AKAP6: variants seen among roughly 807,000 people sequenced by gnomAD.
AKAP6 encodes A-kinase anchor protein 6.
AKAP6 carries 58 observed loss-of-function variants against 188.5 expected under a neutral mutation model. The observed-to-expected ratio is 0.31, with a 90% CI of 0.25 to 0.38. The LOEUF is 0.38. AKAP6 is among the 10% of genes least tolerant of loss of function. AKAP6 has a pLI of 1.00. For synonymous variants in AKAP6, 989 were observed against 998.6 expected (o/e 0.99, Z 0.18); for missense variants, 2,710 against 2,740.0 (o/e 0.99, Z 0.24).
intron 3 of AKAP6, among the ~76,000 whole-genome samples, chr14:32,536,162 G>C (rs1490716982): frequency 6.6e-6 from 1 of 152,210 alleles, no homozygotes; most frequent in African/African-American, 2.4e-5. Flanking sequence ...TCTTCAAGTA[G>C]CTTTGAGTCT....
chr14:32,464,197 C>T (rs1878253962), intron 2 of AKAP6, among the ~76,000 whole-genome samples: 3 of 152,226 alleles, frequency 2.0e-5, no homozygotes, highest in Admixed American at 6.5e-5. Flanking sequence ...CCTTCTGAAA[C>T]TATTCCAAAC....
At chr14:32,476,788 G>A (rs1273378350) in intron 2 of AKAP6, among the ~76,000 whole-genome samples, 2 of 152,190 alleles carry the variant, frequency 1.3e-5, no homozygotes, top group Non-Finnish European at 2.9e-5. Flanking sequence ...AGGATGCCAA[G>A]CAAGGAGAAT....
intron 12 of AKAP6, among the ~76,000 whole-genome samples, chr14:32,788,944 G>A (rs1005873006): frequency 5.3e-5 from 8 of 152,184 alleles, no homozygotes; most frequent in African/African-American, 1.9e-4. Flanking sequence ...CCAACAACAG[G>A]CTGGAGTCTG....
Position 32,825,738 on chromosome 14 carries a change from C to T in AKAP6, c.*42+923C>T, listed in dbSNP as rs1294351371. 2.0e-5 allele frequency among the ~76,000 whole-genome samples: 3 copies of T among 152,236 alleles called. No homozygotes were observed. The East Asian group carries it at 5.8e-4, about 29-fold the overall frequency. Reference sequence around the variant, plus strand: ...GCTTTCAAATGTGAGAGTCATATTTCACCCAAGTATGAGATGCCTAATGCC... The same window carrying T: ...GCTTTCAAATGTGAGAGTCATATTTTACCCAAGTATGAGATGCCTAATGCC... On this transcript the variant is annotated intron_variant, in intron 13 of 13. Transcript: ENST00000280979.
intron 2 of AKAP6, among the ~76,000 whole-genome samples, chr14:32,510,404 GTA>G (rs1491117066): frequency 6.4e-4 from 48 of 74,734 alleles, no homozygotes; most frequent in African/African-American, 9.7e-4. Context: ...GTATATATAT[GTA>G]TATATATGTA....
intron 7 of AKAP6, among the ~76,000 whole-genome samples, chr14:32,656,199 T>C (rs1888446875): frequency 6.6e-6 from 1 of 152,122 alleles, no homozygotes; most frequent in Non-Finnish European, 1.5e-5. Context: ...TATAAAGATA[T>C]ATTAAACATA....
Position 32,420,103 on chromosome 14 carries a change from C to T in AKAP6, c.-34-13357C>T, listed in dbSNP as rs150561808. Among the ~76,000 whole-genome samples the T allele has an allele frequency of 3.6e-3, 553 of 152,156 alleles. 2 individuals are homozygous for T. The highest frequency in any genetic ancestry group is 0.012 in the African/African-American group (511 of 41,516). On this transcript the variant is annotated intron_variant, in intron 1 of 13. Transcript: ENST00000280979. ...TATGTTTGCATACAAATAGTTAAATCATATAATTCTGAGGTTTCTTAACAT... is the reference window on the plus strand; with the variant it reads ...TATGTTTGCATACAAATAGTTAAATTATATAATTCTGAGGTTTCTTAACAT...
At chr14:32,436,806 T>A (rs1890394905) in intron 2 of AKAP6, among the ~76,000 whole-genome samples, 1 of 152,054 alleles carries the variant, frequency 6.6e-6, no homozygotes, top group East Asian at 1.9e-4. Flanking sequence ...CATGGTGGTG[T>A]GCACCTGTAA....
intron 7 of AKAP6, among the ~76,000 whole-genome samples, chr14:32,626,626 C>T (rs769212151): frequency 7.9e-5 from 12 of 152,046 alleles, no homozygotes; most frequent in Non-Finnish European, 1.8e-4. Flanking sequence ...CAAGTCAGCA[C>T]GTGTGATGTT....
chr14:32,743,076 A>G (rs2031747801), intron 11 of AKAP6, among the ~76,000 whole-genome samples: 1 of 152,010 alleles, frequency 6.6e-6, no homozygotes, highest in Non-Finnish European at 1.5e-5. Flanking sequence ...ACATCTTTCA[A>G]ATTGTATCAT....
intron 1 of AKAP6, among the ~76,000 whole-genome samples, chr14:32,353,934 A>G (rs1181864765): frequency 1.3e-5 from 2 of 152,178 alleles, no homozygotes; most frequent in Non-Finnish European, 2.9e-5. Flanking sequence ...GAGAACTACA[A>G]ACCACTGCTC....
chr14:32,530,957 C>T (rs1415729814), intron 2 of AKAP6, among the ~76,000 whole-genome samples: 2 of 152,296 alleles, frequency 1.3e-5, no homozygotes, highest in South Asian at 2.1e-4. Context: ...TAAACAGTCT[C>T]AGGTCACCTC....
At chr14:32,695,361 A>T (rs1890360162) in intron 8 of AKAP6, among the ~76,000 whole-genome samples, 1 of 152,190 alleles carries the variant, frequency 6.6e-6, no homozygotes, top group African/African-American at 2.4e-5. Flanking sequence ...TGTAGGATAT[A>T]TGTTTGCAGA....
At chr14:32,748,955 C>G (rs565239209) in intron 11 of AKAP6, among the ~76,000 whole-genome samples, 7 of 152,308 alleles carry the variant, frequency 4.6e-5, no homozygotes, top group African/African-American at 1.7e-4. Context: ...AGTGTACACA[C>G]ACACACATAT....
At chr14:32,396,386 A>T (rs1036235924) in intron 1 of AKAP6, among the ~76,000 whole-genome samples, 2 of 152,166 alleles carry the variant, frequency 1.3e-5, no homozygotes, top group South Asian at 2.1e-4. Context: ...CCTATCAGTC[A>T]TTCCTCCTTT....
At chr14:32,717,019 C>T (rs2030246463) in intron 9 of AKAP6, among the ~76,000 whole-genome samples, 1 of 152,044 alleles carries the variant, frequency 6.6e-6, no homozygotes, top group East Asian at 1.9e-4. Flanking sequence ...CCCTGTTTTG[C>T]AGATGGGATG....
rs548855055 is a variant in AKAP6 at position 32,459,504 on chromosome 14, G to A, written c.324+25687G>A. ...CTCAAAGAAAGAAAACAAAAACAGT[G>A]GAATAGAACCAATATTAACATCTTC... On this transcript the variant is annotated intron_variant, in intron 2 of 13. Coordinates refer to ENST00000280979, the MANE Select transcript of AKAP6 (RefSeq NM_004274.5). Among the ~76,000 whole-genome samples the A allele has an allele frequency of 2.0e-5, 3 of 151,540 alleles. No homozygotes were observed. In the South Asian group the frequency reaches 6.3e-4, roughly 32 times the overall value.
chr14:32,826,168 AG>A (rs529309375), intron 13 of AKAP6, among the ~76,000 whole-genome samples: 1 of 149,842 alleles, frequency 6.7e-6, no homozygotes, highest in Non-Finnish European at 1.5e-5. Context: ...ATGGGGACTA[AG>A]GGGGGGCATC....
Position 32,537,198 on chromosome 14 carries a change from G to A in AKAP6, c.576+1393G>A, listed in dbSNP as rs115795915. ...GGCAAACTCTCCGCAGTGCCTAGAA[G>A]TCTATAGGAATCAAAATCGACTAGG... On this transcript the variant is annotated intron_variant, in intron 3 of 13. Transcript: ENST00000280979. Among the ~76,000 whole-genome samples the A allele has an allele frequency of 3.7e-3, 563 of 152,338 alleles. 10 individuals carry two copies. Among genetic ancestry groups the A allele is most frequent in the Middle Eastern group, 0.014 (4 of 294 alleles).
Sources: gnomAD v4.1 joint callset for allele counts (sites outside exome capture counted in the v4.1 genomes callset) on GRCh38, gnomAD v4.1.1 for gene constraint, MANE v1.5 for transcripts, NCBI Gene and HGNC (gene_info 2026-07-23, HGNC 2026-07-21) for gene names.